The following ROBO2 variants were observed in gnomAD, a reference collection of about 807,000 sequenced individuals.
The protein encoded by ROBO2 is roundabout homolog 2.
In ROBO2, 53 loss-of-function variants were observed where a neutral mutation model predicts 160.8. That is an observed-to-expected ratio of 0.33 (90% CI 0.26 to 0.41). The LOEUF (loss-of-function observed/expected upper bound fraction) is 0.41, where lower values mean the gene tolerates loss of function less well. Ranked by LOEUF, ROBO2 falls within the 10% of genes least tolerant of loss-of-function variation. The pLI is 1.00. For synonymous variants in ROBO2, 664 were observed against 611.7 expected, an observed-to-expected ratio of 1.09 and a Z score of -1.26; for missense variants, 1,577 against 1,722.4, an observed-to-expected ratio of 0.92 and a Z score of 1.49.
chr3:76,155,761 G>A (rs184638368), intron 2 of ROBO2, among the ~76,000 whole-genome samples: 56 of 152,104 alleles, frequency 3.7e-4, no homozygotes, highest in South Asian at 2.3e-3. Flanking sequence ...ATTCTAAACC[G>A]CATTTTATAA....
intron 2 of ROBO2, among the ~76,000 whole-genome samples, chr3:76,460,694 T>G (rs1454548955): frequency 6.6e-6 from 1 of 152,190 alleles, no homozygotes; most frequent in East Asian, 1.9e-4. Flanking sequence ...TGACAACAGC[T>G]CCAGCCAGTT....
At chr3:76,444,800 A>T (rs560986406) in intron 2 of ROBO2, among the ~76,000 whole-genome samples, 5 of 152,212 alleles carry the variant, frequency 3.3e-5, no homozygotes, top group Non-Finnish European at 7.3e-5. Context: ...CTGGTGTTAT[A>T]ATAATCCTAT....
At chr3:76,425,790 G>A (rs2076200117) in intron 2 of ROBO2, among the ~76,000 whole-genome samples, 1 of 151,208 alleles carries the variant, frequency 6.6e-6, no homozygotes, top group Non-Finnish European at 1.5e-5. Flanking sequence ...TTTCCCTCAC[G>A]TGTTCTTTGA....
At chr3:76,885,310 G>A (rs886637645) in intron 2 of ROBO2, among the ~76,000 whole-genome samples, 2 of 152,020 alleles carry the variant, frequency 1.3e-5, no homozygotes, top group Non-Finnish European at 2.9e-5. Flanking sequence ...TAGAGAAAAG[G>A]TGACTATTGA....
intron 2 of ROBO2, among the ~76,000 whole-genome samples, chr3:76,854,541 T>G (rs1166963): frequency 0.25 from 37,974 of 152,032 alleles, 5,122 homozygotes; most frequent in East Asian, 0.45. Context: ...TACCCAGTGG[T>G]TTGGGGATAT....
At chr3:77,322,461 G>T (rs753528281) in intron 2 of ROBO2, among the ~76,000 whole-genome samples, 19 of 152,018 alleles carry the variant, frequency 1.2e-4, no homozygotes, top group Middle Eastern at 3.4e-3. Context: ...TTGGGAGTGG[G>T]GTTTGTCTAA....
chr3:77,079,424 C>A (rs1203242791), intron 1 of ROBO2, among the ~76,000 whole-genome samples: 2 of 152,058 alleles, frequency 1.3e-5, no homozygotes, highest in Non-Finnish European at 2.9e-5. Flanking sequence ...TTTTTCCTAA[C>A]AACAAAGGTC....
chr3:76,644,350 T>A (rs2090858614), intron 2 of ROBO2, among the ~76,000 whole-genome samples: 1 of 152,090 alleles, frequency 6.6e-6, no homozygotes, highest in Non-Finnish European at 1.5e-5. Context: ...CAAACAAAAA[T>A]ATGCTTAGAC....
At chr3:76,532,813 G>A (rs772155868) in intron 2 of ROBO2, among the ~76,000 whole-genome samples, 144 of 152,186 alleles carry the variant, frequency 9.5e-4, no homozygotes, top group Non-Finnish European at 1.9e-3. Flanking sequence ...CTGTTCTCAT[G>A]CTACCCCATG....
At chr3:77,384,778 A>T (rs895744144) in intron 2 of ROBO2, among the ~76,000 whole-genome samples, 1 of 152,196 alleles carries the variant, frequency 6.6e-6, no homozygotes, top group Non-Finnish European at 1.5e-5. Flanking sequence ...TGTAATTAGA[A>T]TTTGTGTTAA....
chr3:77,078,302 T>C (rs1049616916), intron 1 of ROBO2, among the ~76,000 whole-genome samples: 1 of 152,238 alleles, frequency 6.6e-6, no homozygotes, highest in South Asian at 2.1e-4. Context: ...TATGTTTTAG[T>C]TGACACATGT....
At chr3:76,156,818 C>T (rs2072426849) in intron 2 of ROBO2, among the ~76,000 whole-genome samples, 1 of 151,958 alleles carries the variant, frequency 6.6e-6, no homozygotes, top group Non-Finnish European at 1.5e-5. Context: ...AATACAAAAA[C>T]ATTATCCTGG....
chr3:77,523,020 A>G, intron 6 of ROBO2, 118 bp downstream of exon 6: 3 of 1,158,444 alleles, frequency 2.6e-6, no homozygotes, highest in Non-Finnish European at 3.9e-6. Flanking sequence ...TAAAATGCCT[A>G]GATTTTGTGT....
At chr3:76,518,505 A>G (rs1577831949) in intron 2 of ROBO2, among the ~76,000 whole-genome samples, 1 of 152,232 alleles carries the variant, frequency 6.6e-6, no homozygotes, top group East Asian at 1.9e-4. Flanking sequence ...AGTTCCATAC[A>G]ACATTTTTCA....
At chr3:76,563,527 T>A (rs1415076446) in intron 2 of ROBO2, among the ~76,000 whole-genome samples, 1 of 152,224 alleles carries the variant, frequency 6.6e-6, no homozygotes, top group Non-Finnish European at 1.5e-5. Flanking sequence ...TATGATGGGT[T>A]AATTTTGATA....
At chr3:76,555,358 G>GAGAAGA (rs58339602) in intron 2 of ROBO2, among the ~76,000 whole-genome samples, 1,170 of 57,886 alleles carry the variant, frequency 0.02, 46 homozygotes, top group African/African-American at 0.051. Flanking sequence ...AGTAGGAAGA[G>GAGAAGA]AGAAGAAGAA....
chr3:77,448,649 A>T (rs2153560168), intron 2 of ROBO2, among the ~76,000 whole-genome samples: 1 of 142,972 alleles, frequency 7.0e-6, no homozygotes, highest in South Asian at 2.4e-4. Context: ...CACAGAGTAT[A>T]TATTAAGGAA....
chr3:76,001,183 G>A (rs1287922566), intron 2 of ROBO2, among the ~76,000 whole-genome samples: 2 of 152,094 alleles, frequency 1.3e-5, no homozygotes, highest in South Asian at 2.1e-4. Flanking sequence ...TTGCATTAAC[G>A]AAGCACAACT....
intron 2 of ROBO2, among the ~76,000 whole-genome samples, chr3:76,267,458 C>T (rs1707167303): frequency 6.6e-6 from 1 of 152,116 alleles, no homozygotes; most frequent in Non-Finnish European, 1.5e-5. Context: ...TGGGATGTTG[C>T]AGGTTTTAAA....
Sources: allele counts gnomAD v4.1 joint callset (sites outside exome capture counted in the v4.1 genomes callset), GRCh38; gene constraint gnomAD v4.1.1; transcripts MANE v1.5; gene names NCBI Gene and HGNC (gene_info 2026-07-23, HGNC 2026-07-21).